The following ATG10 variants were observed in gnomAD, a reference collection of about 807,000 sequenced individuals.
ATG10 encodes the protein autophagy related 10.
A neutral mutation model predicts 32.1 loss-of-function variants in ATG10; 30 were observed. That is an observed-to-expected ratio of 0.94 (90% CI 0.70 to 1.27). ATG10 has a LOEUF of 1.27. ATG10 is among the 50% of genes most tolerant of loss of function. The pLI, the probability that ATG10 is intolerant of heterozygous loss-of-function variation, is 0.00. For synonymous variants in ATG10, 87 were observed against 91.5 expected (o/e 0.95, Z 0.28); for missense variants, 233 against 262.3 (o/e 0.89, Z 0.77).
At chr5:82,050,281 TG>T (rs1323308202) in intron 2 of ATG10, among the ~76,000 whole-genome samples, 1 of 152,122 alleles carries the variant, frequency 6.6e-6, no homozygotes, top group African/African-American at 2.4e-5. Context: ...GTTATTCTCA[TG>T]GTTACCCCTG....
intron 5 of ATG10, among the ~76,000 whole-genome samples, chr5:82,231,027 C>T (rs1297216506): frequency 6.6e-6 from 1 of 152,072 alleles, no homozygotes; most frequent in Non-Finnish European, 1.5e-5. Flanking sequence ...TAGTCTGAAG[C>T]GTTCATGAAC....
intron 1 of ATG10, among the ~76,000 whole-genome samples, chr5:81,987,074 A>T (rs1761299057): frequency 6.6e-6 from 1 of 152,146 alleles, no homozygotes; most frequent in Admixed American, 6.5e-5. Flanking sequence ...AACAAAAATA[A>T]AAACAACAAA....
intron 1 of ATG10, among the ~76,000 whole-genome samples, chr5:81,979,198 T>A (rs1760957150): frequency 6.6e-6 from 1 of 151,140 alleles, no homozygotes; most frequent in East Asian, 2.0e-4. Flanking sequence ...CGGTGCCTGG[T>A]CTGAATTTTT....
chr5:82,245,667 T>C (rs552896039), intron 5 of ATG10, among the ~76,000 whole-genome samples: 3 of 152,354 alleles, frequency 2.0e-5, no homozygotes, highest in African/African-American at 7.2e-5. Context: ...TCTAGTCACA[T>C]AAAGGAAACT....
At chr5:82,047,675 G>T (rs1763273512) in intron 2 of ATG10, among the ~76,000 whole-genome samples, 1 of 152,092 alleles carries the variant, frequency 6.6e-6, no homozygotes, top group South Asian at 2.1e-4. Context: ...TCCTTGCTGT[G>T]CTCTGACCTG....
At chr5:82,151,471 C>A (rs1403311423) in intron 3 of ATG10, among the ~76,000 whole-genome samples, 2 of 152,176 alleles carry the variant, frequency 1.3e-5, no homozygotes, top group Non-Finnish European at 2.9e-5. Flanking sequence ...TAGGAAGGAG[C>A]TATCAGTGAT....
At chr5:82,109,673 A>G (rs1306888758) in intron 3 of ATG10, among the ~76,000 whole-genome samples, 1 of 151,854 alleles carries the variant, frequency 6.6e-6, no homozygotes, top group Admixed American at 6.6e-5. Context: ...TACCCCTCAA[A>G]TAACCACAAT....
intron 3 of ATG10, among the ~76,000 whole-genome samples, chr5:82,090,431 A>T (rs1185541449): frequency 6.6e-6 from 1 of 152,224 alleles, no homozygotes; most frequent in African/African-American, 2.4e-5. Flanking sequence ...TCAGCAATGA[A>T]AAAGAACAAA....
chr5:82,127,106 T>G (rs1031738038), intron 3 of ATG10, among the ~76,000 whole-genome samples: 1 of 152,228 alleles, frequency 6.6e-6, no homozygotes, highest in African/African-American at 2.4e-5. Flanking sequence ...TAGTTTGTAT[T>G]TCTGTGGGAT....
chr5:82,143,670 T>C (rs1263445925), intron 3 of ATG10, among the ~76,000 whole-genome samples: 1 of 152,238 alleles, frequency 6.6e-6, no homozygotes, highest in African/African-American at 2.4e-5. Context: ...AAAGACAGAT[T>C]GGAGACAAGA....
At chr5:82,125,434 T>A (rs1766226521) in intron 3 of ATG10, among the ~76,000 whole-genome samples, 1 of 152,234 alleles carries the variant, frequency 6.6e-6, no homozygotes, top group Non-Finnish European at 1.5e-5. Context: ...TTAATCCATC[T>A]TGAGTTAATT....
At chr5:82,050,095 A>G (rs560570988) in intron 2 of ATG10, among the ~76,000 whole-genome samples, 3 of 152,122 alleles carry the variant, frequency 2.0e-5, no homozygotes, top group Non-Finnish European at 4.4e-5. Flanking sequence ...ATATGGGTTT[A>G]TATAAATGGC....
At chr5:82,026,688 T>C (rs1305783815) in intron 2 of ATG10, among the ~76,000 whole-genome samples, 1 of 152,214 alleles carries the variant, frequency 6.6e-6, no homozygotes, top group Non-Finnish European at 1.5e-5. Context: ...TAAAAAATAC[T>C]TTTATTTCTA....
intron 5 of ATG10, among the ~76,000 whole-genome samples, chr5:82,232,902 G>A (rs926632112): frequency 1.3e-5 from 2 of 152,134 alleles, no homozygotes; most frequent in Admixed American, 1.3e-4. Flanking sequence ...TCTAGCTTCA[G>A]GGTTTCTGCT....
chr5:82,104,858 C>G (rs1581694343), intron 3 of ATG10, among the ~76,000 whole-genome samples: 1 of 152,050 alleles, frequency 6.6e-6, no homozygotes, highest in Admixed American at 6.6e-5. Context: ...GGAAAAACAT[C>G]TAGAATATAA....
chr5:81,981,401 C>T (rs2149656606), intron 1 of ATG10, among the ~76,000 whole-genome samples: 1 of 152,312 alleles, frequency 6.6e-6, no homozygotes, highest in African/African-American at 2.4e-5. Flanking sequence ...AGGACCACTG[C>T]CTAAGGACCT....
intron 3 of ATG10, among the ~76,000 whole-genome samples, chr5:82,093,758 G>A (rs911658819): frequency 6.6e-6 from 1 of 152,032 alleles, no homozygotes; most frequent in African/African-American, 2.4e-5. Context: ...TTTGAACTTT[G>A]TTTTGGGGTA....
At chr5:82,011,940 G>T (rs968142963) in intron 2 of ATG10, among the ~76,000 whole-genome samples, 1 of 152,136 alleles carries the variant, frequency 6.6e-6, no homozygotes, top group Non-Finnish European at 1.5e-5. Flanking sequence ...TCCTATTATG[G>T]TGCTGGTTGG....
At chr5:82,086,135 A>T (rs1456113782) in intron 3 of ATG10, among the ~76,000 whole-genome samples, 1 of 152,164 alleles carries the variant, frequency 6.6e-6, no homozygotes, top group Non-Finnish European at 1.5e-5. Flanking sequence ...TTATTTACTA[A>T]TTAAATTCTC....
Sources: gnomAD v4.1 joint callset for allele counts (sites outside exome capture counted in the v4.1 genomes callset) on GRCh38, gnomAD v4.1.1 for gene constraint, MANE v1.5 for transcripts, NCBI Gene and HGNC (gene_info 2026-07-23, HGNC 2026-07-21) for gene names.